Variants in SUPT3H observed in about 807,000 individuals in gnomAD.
SUPT3H encodes the protein SPT3 homolog, SAGA and STAGA complex component.
In SUPT3H, 44 loss-of-function variants were observed where a neutral mutation model predicts 44.3. That is an observed-to-expected ratio of 0.99 (90% CI 0.78 to 1.28). The LOEUF is 1.28. Ranked by LOEUF, SUPT3H falls within the 50% of genes most tolerant of loss-of-function variation. The probability of loss-of-function intolerance (pLI) is 0.00; values close to 1 mark genes in which losing one functional copy is unlikely to be tolerated. For synonymous variants in SUPT3H, 124 were observed against 125.6 expected, an observed-to-expected ratio of 0.99 and a Z score of 0.09; for missense variants, 380 against 387.1, an observed-to-expected ratio of 0.98 and a Z score of 0.15.
At chr6:45,372,650 C>G (rs1582001206) in intron 1 of SUPT3H, among the ~76,000 whole-genome samples, 2 of 152,262 alleles carry the variant, frequency 1.3e-5, no homozygotes, top group Middle Eastern at 3.4e-3. Flanking sequence ...ACATACCATA[C>G]ACCAAACAGA....
intron 2 of SUPT3H, among the ~76,000 whole-genome samples, chr6:45,259,590 T>C (rs2153656872): frequency 6.6e-6 from 1 of 151,808 alleles, no homozygotes. Flanking sequence ...AATTTAAGTC[T>C]CATTGCAGGA....
At chr6:44,871,013 G>C (rs1045646145) in intron 10 of SUPT3H, among the ~76,000 whole-genome samples, 4 of 150,118 alleles carry the variant, frequency 2.7e-5, no homozygotes, top group Non-Finnish European at 4.5e-5. Flanking sequence ...ACGGAATCTC[G>C]CTGATTGCTA....
At position 44,827,574 on chromosome 6, in the gene SUPT3H, T is replaced by C. The variant is rs973495895; in HGVS notation, c.*2242A>G. Among the ~76,000 whole-genome samples, 1 of 152,116 alleles carries C rather than the reference T, an allele frequency of 6.6e-6. No homozygotes were observed. The highest frequency in any genetic ancestry group is 1.5e-5 in the Non-Finnish European group (1 of 67,986). On this transcript the variant is annotated 3_prime_UTR_variant, in exon 11 of 11. Transcript: ENST00000371459. ...AAGACTATCTTCTGCTCTAACATTA[T>C]GATTATTGAGAAAATAATTTACTGA... is the stretch of plus-strand genomic sequence containing the variant.
At chr6:45,293,392 GCA>G (rs1316668002) in intron 2 of SUPT3H, among the ~76,000 whole-genome samples, 3 of 152,044 alleles carry the variant, frequency 2.0e-5, no homozygotes, top group Non-Finnish European at 4.4e-5. Context: ...GTCTGAAAGA[GCA>G]CAGACAGACA....
intron 2 of SUPT3H, among the ~76,000 whole-genome samples, chr6:45,293,224 C>A (rs1780591182): frequency 6.6e-6 from 1 of 152,118 alleles, no homozygotes; most frequent in Non-Finnish European, 1.5e-5. Flanking sequence ...AAACAACCTG[C>A]TCCTGAATAA....
intron 3 of SUPT3H, among the ~76,000 whole-genome samples, chr6:45,096,914 T>C (rs77161847): frequency 9.2e-5 from 14 of 152,254 alleles, no homozygotes; most frequent in Admixed American, 6.5e-4. Flanking sequence ...CAGGAGATAA[T>C]AGCTAGAAAT....
chr6:45,297,077 T>TAAAAAAAAAA (rs373194598), intron 2 of SUPT3H, among the ~76,000 whole-genome samples: 1 of 141,442 alleles, frequency 7.1e-6, no homozygotes, highest in Non-Finnish European at 1.5e-5. Flanking sequence ...GAAATAAATT[T>TAAAAAAAAAA]AAAAAAAAAA....
chr6:44,982,433 C>A (rs1349280415), intron 6 of SUPT3H, among the ~76,000 whole-genome samples: 1 of 152,170 alleles, frequency 6.6e-6, no homozygotes, highest in Non-Finnish European at 1.5e-5. Flanking sequence ...CCGTGTTAGC[C>A]AGGATGGCCT....
At chr6:45,348,102 G>A (rs1450154482) in intron 2 of SUPT3H, among the ~76,000 whole-genome samples, 2 of 152,022 alleles carry the variant, frequency 1.3e-5, no homozygotes, top group African/African-American at 2.4e-5. Flanking sequence ...TAGTTTTTAC[G>A]TTAAAAGCAG....
intron 3 of SUPT3H, among the ~76,000 whole-genome samples, chr6:45,064,883 C>G: frequency 6.9e-6 from 1 of 145,322 alleles, no homozygotes; most frequent in East Asian, 2.1e-4. Flanking sequence ...ACCCCACTGT[C>G]AACATTAGAC....
At chr6:44,977,177 G>A (rs1778452084) in intron 6 of SUPT3H, among the ~76,000 whole-genome samples, 1 of 152,222 alleles carries the variant, frequency 6.6e-6, no homozygotes, top group Non-Finnish European at 1.5e-5. Flanking sequence ...ACTTGGTGAT[G>A]TGAGGCAGTG....
intron 1 of SUPT3H, among the ~76,000 whole-genome samples, chr6:45,371,291 G>A (rs1796023003): frequency 6.6e-6 from 1 of 151,810 alleles, no homozygotes; most frequent in South Asian, 2.1e-4. Context: ...TTTAAAAACA[G>A]TTTATGTGAC....
chr6:45,212,481 ATGTGTGTGTGTGTGTGTGTGTG>A (rs11269206), intron 2 of SUPT3H, among the ~76,000 whole-genome samples: 17 of 43,458 alleles, frequency 3.9e-4, no homozygotes, highest in South Asian at 2.1e-3. Flanking sequence ...CACCTCCACT[ATGTGTGTGTGTGTGTGTGTGTG>A]TGTGTGTGTG....
intron 2 of SUPT3H, among the ~76,000 whole-genome samples, chr6:45,297,417 G>A (rs1210222564): frequency 2.6e-5 from 4 of 152,024 alleles, no homozygotes; most frequent in Non-Finnish European, 5.9e-5. Flanking sequence ...TGTCTTTTTT[G>A]TACTTCTAGA....
chr6:44,915,510 C>T (rs1767676603), intron 10 of SUPT3H, among the ~76,000 whole-genome samples: 1 of 152,248 alleles, frequency 6.6e-6, no homozygotes, highest in Non-Finnish European at 1.5e-5. Flanking sequence ...TAAAATTTAA[C>T]CTGAAAGACT....
At chr6:45,000,854 T>C (rs1277153016) in intron 6 of SUPT3H, among the ~76,000 whole-genome samples, 1 of 152,230 alleles carries the variant, frequency 6.6e-6, no homozygotes. Context: ...TTTACTTTTA[T>C]CAATTTGAGG....
chr6:45,351,420 G>A (rs1792026947), intron 2 of SUPT3H, among the ~76,000 whole-genome samples: 1 of 152,136 alleles, frequency 6.6e-6, no homozygotes, highest in Admixed American at 6.6e-5. Flanking sequence ...AGCTTATGGT[G>A]AGGAAGAGAG....
chr6:45,246,500 C>T (rs556286580), intron 2 of SUPT3H, among the ~76,000 whole-genome samples: 32 of 152,120 alleles, frequency 2.1e-4, no homozygotes, highest in African/African-American at 7.7e-4. Context: ...ATTATCAGTC[C>T]CATGGTTTGT....
intron 2 of SUPT3H, chr6:45,328,178 A>G (rs1786697521): frequency 4.7e-6 from 4 of 852,124 alleles, no homozygotes; most frequent in Admixed American, 3.5e-5. Flanking sequence ...AGAGAGAAAG[A>G]GCAAGGGGGA....
Sources: gnomAD v4.1 joint callset for allele counts (sites outside exome capture counted in the v4.1 genomes callset) on GRCh38, gnomAD v4.1.1 for gene constraint, MANE v1.5 for transcripts, NCBI Gene and HGNC (gene_info 2026-07-23, HGNC 2026-07-21) for gene names.